STAT4: variants seen among roughly 807,000 people sequenced by gnomAD.
STAT4 encodes signal transducer and activator of transcription 4.
Under a neutral mutation model 110.5 loss-of-function variants are expected in STAT4, and 42 were observed. The observed-to-expected ratio is 0.38, with a 90% CI of 0.30 to 0.49. The LOEUF (loss-of-function observed/expected upper bound fraction) is 0.49, where lower values mean the gene tolerates loss of function less well. Among genes scored for constraint, STAT4 ranks in the 20% least tolerant of loss-of-function variants. STAT4 has a pLI of 0.95. For missense variants in STAT4, 632 were observed against 887.9 expected (o/e 0.71, Z 3.66); for synonymous variants, 284 against 302.2 (o/e 0.94, Z 0.63).
In STAT4 at chr2:191,039,330, A is replaced by G; in HGVS notation, c.1336-33T>C. 1 of 1,584,072 alleles carries G rather than the reference A, an allele frequency of 6.3e-7. No individual in the cohort carries two copies. The highest frequency in any genetic ancestry group is 8.7e-7 in the Non-Finnish European group (1 of 1,152,732). On this transcript the variant is annotated intron_variant, in intron 15 of 23. Coordinates refer to ENST00000392320, the MANE Select transcript of STAT4 (RefSeq NM_003151.4). This position sits in a 1 kb window ranked among gnomAD's most constrained non-coding sequence, Gnocchi z 4.7. ...GGGGGGAAAAAAGCATAGTTATTAC[A>G]GGTAGTCCCACCTTACATTGATCTT...
In STAT4 at chr2:191,031,443, T is replaced by A; in HGVS notation, c.2111+7A>T. The A allele has an allele frequency of 6.2e-7, 1 of 1,611,524 alleles. No individual in the cohort carries two copies. The highest frequency in any genetic ancestry group is 8.5e-7 in the Non-Finnish European group (1 of 1,178,898). The stretch of plus-strand genomic sequence containing the variant: ...AAAATATTTCACATGTGACTAACAT[T>A]ACTCACATTGTTGAGATGGGGATAA... On this transcript the variant is annotated splice_region_variant and intron_variant, in intron 22 of 23. Transcript: ENST00000392320. The surrounding 1 kb of genome is among the most constrained non-coding windows in gnomAD (Gnocchi z 4.8).
At chr2:191,049,957 G>T (rs966493509) in intron 14 of STAT4, among the ~76,000 whole-genome samples, 2 of 152,172 alleles carry the variant, frequency 1.3e-5, no homozygotes, top group Non-Finnish European at 2.9e-5. Context: ...GGCTAGCTGG[G>T]GTGTGAGTAG....
chr2:191,134,060 G>A (rs189273492), intron 3 of STAT4, among the ~76,000 whole-genome samples: 1 of 152,324 alleles, frequency 6.6e-6, no homozygotes, highest in East Asian at 1.9e-4. Flanking sequence ...AAACTGTAAA[G>A]TGGGGCTCAT....
intron 4 of STAT4, among the ~76,000 whole-genome samples, chr2:191,075,439 T>C: frequency 6.6e-6 from 1 of 152,190 alleles, no homozygotes; most frequent in East Asian, 1.9e-4. Flanking sequence ...TTCATGGAAC[T>C]TCTGTAAGAC....
At chr2:191,098,632 T>C (rs553475704) in intron 3 of STAT4, among the ~76,000 whole-genome samples, 1 of 152,000 alleles carries the variant, frequency 6.6e-6, no homozygotes, top group African/African-American at 2.4e-5. Context: ...GGGGGAGGGA[T>C]AGCATTAGGA....
At position 191,150,636 on chromosome 2, in the gene STAT4, T is replaced by C. The variant is rs1021430039; in HGVS notation, c.-2+311A>G. ...GCTCTAGAGAAGCTGGCTAAGAAAGTGAAGAGGGGCTCACTTTCAGCCTCC... is the reference window on the plus strand; with the variant it reads ...GCTCTAGAGAAGCTGGCTAAGAAAGCGAAGAGGGGCTCACTTTCAGCCTCC... On this transcript the variant is annotated intron_variant, in intron 1 of 23. Coordinates refer to ENST00000392320, the MANE Select transcript of STAT4 (RefSeq NM_003151.4). This position sits in a 1 kb window ranked among gnomAD's most constrained non-coding sequence, Gnocchi z 6.4. Among the ~76,000 whole-genome samples, 1 of 152,106 alleles carries C rather than the reference T, an allele frequency of 6.6e-6. No homozygotes were observed. The highest frequency in any genetic ancestry group is 1.5e-5 in the Non-Finnish European group (1 of 68,008).
At chr2:191,131,853 T>G in intron 3 of STAT4, 1 of 1,458,794 alleles carries the variant, frequency 6.9e-7, no homozygotes, top group South Asian at 1.4e-5. Flanking sequence ...GAATGCAGGT[T>G]TCTCCATGTC....
At chr2:191,067,472 C>T (rs1023631480) in intron 6 of STAT4, among the ~76,000 whole-genome samples, 1 of 152,166 alleles carries the variant, frequency 6.6e-6, no homozygotes, top group African/African-American at 2.4e-5. Flanking sequence ...AAACACCACA[C>T]CTAGAGCCCA....
chr2:191,069,853 C>T, intron 5 of STAT4, 82 bp from the exon 6 acceptor site: 1 of 1,075,340 alleles, frequency 9.3e-7, no homozygotes, highest in Non-Finnish European at 1.4e-6. Context: ...TTTTAAAAAA[C>T]TGCTTGGTGC....
At chr2:191,145,820 A>ATATT (rs1222080251) in intron 3 of STAT4, among the ~76,000 whole-genome samples, 1 of 152,200 alleles carries the variant, frequency 6.6e-6, no homozygotes, top group Non-Finnish European at 1.5e-5. Flanking sequence ...CACTCAGTAA[A>ATATT]TATTATAGCA....
intron 3 of STAT4, among the ~76,000 whole-genome samples, chr2:191,088,818 A>G (rs1697709291): frequency 6.6e-6 from 1 of 152,212 alleles, no homozygotes; most frequent in South Asian, 2.1e-4. Context: ...AATGCGACAC[A>G]ACAGAACAAA....
rs1696014737 is a variant in STAT4, at chr2:191,035,365, A to G, written c.1571-768T>C. 6.6e-6 allele frequency among the ~76,000 whole-genome samples: 1 copy of G among 152,232 alleles called. No individual in the cohort carries two copies. ...ATGTATTTAGGTACCTATTGATCCAAGAGTAGATGCAAGTGGCAAGCATCC... is the reference window on the plus strand; with the variant it reads ...ATGTATTTAGGTACCTATTGATCCAGGAGTAGATGCAAGTGGCAAGCATCC... On this transcript the variant is annotated intron_variant, in intron 17 of 23. Coordinates refer to ENST00000392320, the MANE Select transcript of STAT4 (RefSeq NM_003151.4). This position sits in a 1 kb window ranked among gnomAD's most constrained non-coding sequence, Gnocchi z 4.7.
chr2:191,097,979 A>T (rs1318128356), intron 3 of STAT4, among the ~76,000 whole-genome samples: 5 of 152,270 alleles, frequency 3.3e-5, no homozygotes, highest in African/African-American at 7.2e-5. Flanking sequence ...TCTCAAAAGA[A>T]GACATTTATG....
Position 191,099,551 on chromosome 2 carries a change from T to C in STAT4, c.274-23226A>G, listed in dbSNP as rs1043266535. 6.6e-6 allele frequency among the ~76,000 whole-genome samples: 1 copy of C among 152,136 alleles called. No homozygotes were observed. Among genetic ancestry groups the C allele is most frequent in the African/African-American group, 2.4e-5 (1 of 41,442 alleles). ...TTACGTAAAATTTGGAAAGCAGAGA[T>C]ATGAATAATAAAATTTCATTTTTGT... On this transcript the variant is annotated intron_variant, in intron 3 of 23. Transcript: ENST00000392320. The surrounding 1 kb of genome is among the most constrained non-coding windows in gnomAD (Gnocchi z 4.1).
chr2:191,135,527 G>A lies in STAT4; in HGVS notation c.273+11086C>T, dbSNP rs1003725897. ...CTCACTCTGTCGCCCAGGCTGGAGT[G>A]CAGTGGCGTGATCTCAGCTCACTGC... On this transcript the variant is annotated intron_variant, in intron 3 of 23. Transcript: ENST00000392320. This position sits in a 1 kb window ranked among gnomAD's most constrained non-coding sequence, Gnocchi z 4.8. Among the ~76,000 whole-genome samples, 6 of 152,196 alleles carry A rather than the reference G, an allele frequency of 3.9e-5. 1 individual carries two copies. The highest frequency in any genetic ancestry group is 3.9e-4 in the Admixed American group (6 of 15,290).
intron 8 of STAT4, among the ~76,000 whole-genome samples, chr2:191,064,601 A>G (rs1696935293): frequency 6.6e-6 from 1 of 152,210 alleles, no homozygotes; most frequent in African/African-American, 2.4e-5. Flanking sequence ...CATTCAATGG[A>G]CGCTTTCCTT....
intron 3 of STAT4, among the ~76,000 whole-genome samples, chr2:191,092,687 G>A (rs9789710): frequency 0.088 from 13,341 of 152,204 alleles, 621 homozygotes; most frequent in Middle Eastern, 0.11. Context: ...CATCTCATTG[G>A]GACTGGTTGG....
At chr2:191,079,772 A>T (rs1697412469) in intron 3 of STAT4, among the ~76,000 whole-genome samples, 1 of 152,080 alleles carries the variant, frequency 6.6e-6, no homozygotes, top group Non-Finnish European at 1.5e-5. Flanking sequence ...GATTTTTAGA[A>T]TAATTTAATT....
Position 191,112,515 on chromosome 2 carries a change from G to A in STAT4, c.273+34098C>T, listed in dbSNP as rs1698452161. On this transcript the variant is annotated intron_variant, in intron 3 of 23. Coordinates refer to ENST00000392320, the MANE Select transcript of STAT4 (RefSeq NM_003151.4). The surrounding 1 kb of genome is among the most constrained non-coding windows in gnomAD (Gnocchi z 4.3). ...GATGAATACATATGGGTATATGTAT[G>A]CATATATATTTTTTACTAAAACATG... Among the ~76,000 whole-genome samples the A allele has an allele frequency of 6.6e-6, 1 of 152,164 alleles. No homozygotes were observed. Among genetic ancestry groups the A allele is most frequent in the South Asian group, 2.1e-4 (1 of 4,830 alleles).
Sources: allele counts gnomAD v4.1 joint callset (sites outside exome capture counted in the v4.1 genomes callset), GRCh38; gene constraint gnomAD v4.1.1; non-coding constraint Gnocchi (gnomAD v3.1); transcripts MANE v1.5; gene names NCBI Gene and HGNC (gene_info 2026-07-23, HGNC 2026-07-21).